Variants in CFAP299 observed in about 807,000 individuals in gnomAD.
The protein encoded by CFAP299 is cilia- and flagella-associated protein 299.
A neutral mutation model predicts 27.0 loss-of-function variants in CFAP299; 21 were observed. That is an observed-to-expected ratio of 0.78 (90% CI 0.55 to 1.12). The LOEUF (loss-of-function observed/expected upper bound fraction) is 1.12. Ranked by LOEUF, CFAP299 falls within the 50% of genes most tolerant of loss-of-function variation. The pLI is 0.00. For synonymous variants in CFAP299, 104 were observed against 98.1 expected, an observed-to-expected ratio of 1.06 and a Z score of -0.36; for missense variants, 310 against 276.6, an observed-to-expected ratio of 1.12 and a Z score of -0.86.
At chr4:80,663,470 CT>C (rs1740973627) in intron 3 of CFAP299, among the ~76,000 whole-genome samples, 1 of 152,088 alleles carries the variant, frequency 6.6e-6, no homozygotes, top group African/African-American at 2.4e-5. Flanking sequence ...TGAACTCATC[CT>C]TTTTTATGGC....
intron 3 of CFAP299, among the ~76,000 whole-genome samples, chr4:80,785,518 C>A (rs574122046): frequency 2.1e-4 from 32 of 152,238 alleles, no homozygotes; most frequent in Non-Finnish European, 3.7e-4. Context: ...TGGATGCTTG[C>A]ATTAAATGCC....
intron 1 of CFAP299, among the ~76,000 whole-genome samples, chr4:80,352,156 T>C (rs1024601895): frequency 6.6e-6 from 1 of 152,144 alleles, no homozygotes; most frequent in African/African-American, 2.4e-5. Context: ...TTATGCAAAA[T>C]TGATAAGAAT....
At chr4:80,716,099 A>T (rs1272658345) in intron 3 of CFAP299, among the ~76,000 whole-genome samples, 1 of 152,084 alleles carries the variant, frequency 6.6e-6, no homozygotes, top group Non-Finnish European at 1.5e-5. Flanking sequence ...CTATAAACCC[A>T]CAAATACAAA....
intron 3 of CFAP299, among the ~76,000 whole-genome samples, chr4:80,703,047 C>G (rs1175067589): frequency 6.6e-6 from 1 of 151,740 alleles, no homozygotes; most frequent in East Asian, 1.9e-4. Flanking sequence ...CTTTGTGAGA[C>G]TGGAGGGGAA....
intron 3 of CFAP299, among the ~76,000 whole-genome samples, chr4:80,639,354 G>A (rs573971401): frequency 6.6e-6 from 1 of 152,170 alleles, no homozygotes; most frequent in Non-Finnish European, 1.5e-5. Flanking sequence ...TGAAATTTAG[G>A]TGAGGCCAGA....
chr4:80,831,940 C>T (rs969318635), intron 3 of CFAP299, among the ~76,000 whole-genome samples: 2 of 152,132 alleles, frequency 1.3e-5, no homozygotes, highest in Non-Finnish European at 2.9e-5. Flanking sequence ...ATGTTCCAAA[C>T]AATTTTTCAT....
intron 3 of CFAP299, among the ~76,000 whole-genome samples, chr4:80,677,600 C>T (rs904328726): frequency 1.3e-5 from 2 of 151,750 alleles, no homozygotes; most frequent in Admixed American, 6.6e-5. Flanking sequence ...CATTATGATA[C>T]AATAATATCA....
intron 2 of CFAP299, among the ~76,000 whole-genome samples, chr4:80,516,866 C>T (rs1470509747): frequency 1.3e-5 from 2 of 152,170 alleles, no homozygotes; most frequent in African/African-American, 2.4e-5. Flanking sequence ...GTGTAGGCTA[C>T]TTATTTAAGA....
chr4:80,410,412 CATGT>C (rs1726663399), intron 2 of CFAP299, among the ~76,000 whole-genome samples: 2 of 152,172 alleles, frequency 1.3e-5, no homozygotes, highest in African/African-American at 4.8e-5. Flanking sequence ...AGATTCTATG[CATGT>C]GTTTTTCACC....
chr4:80,450,023 GA>G (rs1277977205), intron 2 of CFAP299, among the ~76,000 whole-genome samples: 1 of 151,986 alleles, frequency 6.6e-6, no homozygotes, highest in Non-Finnish European at 1.5e-5. Flanking sequence ...TATCTTCTTG[GA>G]AAAGCTATGC....
rs145095093 is a variant in CFAP299, at chr4:80,526,390, A to G, written c.243-56703A>G. Reference sequence around the variant, plus strand: ...CAGCTCTTTCCACTACCCAGTTAAAAGAATCTTTCATGCAAATTTTACTAA... The same window carrying G: ...CAGCTCTTTCCACTACCCAGTTAAAGGAATCTTTCATGCAAATTTTACTAA... On this transcript the variant is annotated intron_variant, in intron 2 of 5. Transcript: ENST00000358105. Among the ~76,000 whole-genome samples the G allele has an allele frequency of 5.0e-3, 769 of 152,294 alleles. 4 individuals carry two copies. The highest frequency in any genetic ancestry group is 0.017 in the Middle Eastern group (5 of 294).
At chr4:80,549,835 A>G (rs1184073150) in intron 2 of CFAP299, among the ~76,000 whole-genome samples, 3 of 152,102 alleles carry the variant, frequency 2.0e-5, no homozygotes, top group Non-Finnish European at 4.4e-5. Flanking sequence ...AATGCAAAAT[A>G]TAATTTTTGA....
At chr4:80,500,885 G>A (rs1235179420) in intron 2 of CFAP299, among the ~76,000 whole-genome samples, 1 of 152,016 alleles carries the variant, frequency 6.6e-6, no homozygotes. Context: ...AGCTGCCTAC[G>A]TGCTCAGTGT....
chr4:80,843,343 T>A (rs1730971267), intron 3 of CFAP299, among the ~76,000 whole-genome samples: 1 of 152,090 alleles, frequency 6.6e-6, no homozygotes, highest in Non-Finnish European at 1.5e-5. Flanking sequence ...TGGATTTTTG[T>A]CCCTGCCATA....
At chr4:80,341,283 C>A (rs753026082) in intron 1 of CFAP299, among the ~76,000 whole-genome samples, 1 of 152,224 alleles carries the variant, frequency 6.6e-6, no homozygotes, top group African/African-American at 2.4e-5. Flanking sequence ...AGAGTCCAGG[C>A]AGTGTGGATG....
At chr4:80,871,623 T>G (rs1733102573) in intron 4 of CFAP299, 1 of 983,276 alleles carries the variant, frequency 1.0e-6, no homozygotes, top group African/African-American at 1.7e-5. Context: ...GACCTCTTGT[T>G]TTTCATCACC....
At chr4:80,669,642 C>A (rs1377271350) in intron 3 of CFAP299, among the ~76,000 whole-genome samples, 6 of 148,884 alleles carry the variant, frequency 4.0e-5, no homozygotes, top group Non-Finnish European at 8.9e-5. Context: ...GCAAACAGGG[C>A]TAATTTGATT....
Position 80,862,629 on chromosome 4 carries a change from G to A in CFAP299, c.334-7364G>A, listed in dbSNP as rs1007628682. On this transcript the variant is annotated intron_variant, in intron 3 of 5. Transcript: ENST00000358105. The stretch of plus-strand genomic sequence containing the variant: ...CATTTGGTTCCTCCCATCAAGAGAA[G>A]AAGTCACTCTGCCCTGCCTCTTGAG... Among the ~76,000 whole-genome samples the A allele has an allele frequency of 3.9e-5, 6 of 152,072 alleles. No homozygotes were observed. The South Asian group carries it at 1.2e-3, about 32-fold the overall frequency.
intron 3 of CFAP299, among the ~76,000 whole-genome samples, chr4:80,689,135 A>T (rs1172932983): frequency 6.6e-6 from 1 of 152,214 alleles, no homozygotes; most frequent in South Asian, 2.1e-4. Context: ...ATTATCCAGG[A>T]GAACTTCCCC....
Sources: gnomAD v4.1 joint callset for allele counts (sites outside exome capture counted in the v4.1 genomes callset) on GRCh38, gnomAD v4.1.1 for gene constraint, MANE v1.5 for transcripts, NCBI Gene and HGNC (gene_info 2026-07-23, HGNC 2026-07-21) for gene names.